Variants in DMRT3 observed in about 807,000 individuals in gnomAD.
DMRT3 encodes the protein doublesex- and mab-3-related transcription factor 3.
In DMRT3, 29 loss-of-function variants were observed where a neutral mutation model predicts 34.9. The ratio of observed to expected loss-of-function variants is 0.83; its 90% CI spans 0.62 to 1.13. The LOEUF (loss-of-function observed/expected upper bound fraction) is 1.13. Among genes scored for constraint, DMRT3 ranks in the 50% most tolerant of loss-of-function variants. The probability of loss-of-function intolerance (pLI) is 0.00; values close to 1 mark genes in which losing one functional copy is unlikely to be tolerated. For synonymous variants in DMRT3, 350 were observed against 286.0 expected, an observed-to-expected ratio of 1.22 and a Z score of -2.26; for missense variants, 772 against 629.1, an observed-to-expected ratio of 1.23 and a Z score of -2.43.
intron 1 of DMRT3, among the ~76,000 whole-genome samples, chr9:980,904 A>G (rs1232448256): frequency 6.6e-6 from 1 of 152,160 alleles, no homozygotes; most frequent in Non-Finnish European, 1.5e-5. Flanking sequence ...CGGACACCTT[A>G]GACTGTGGTG....
intron 1 of DMRT3, among the ~76,000 whole-genome samples, chr9:983,124 G>A (rs1361875911): frequency 5.3e-5 from 8 of 152,036 alleles, no homozygotes; most frequent in South Asian, 2.1e-4. Context: ...CTAGGTATGG[G>A]GTTTTTTTGC....
Position 985,039 on chromosome 9 carries a change from A to G in DMRT3, c.455-5002A>G, listed in dbSNP as rs762834447. Among the ~76,000 whole-genome samples, 73 of 152,206 alleles carry G rather than the reference A, an allele frequency of 4.8e-4. 1 individual carries two copies. The highest frequency in any genetic ancestry group is 9.6e-4 in the Non-Finnish European group (65 of 68,036). ...TGAAGTCGGTAGCATTGTTATCTGT[A>G]GAAAAACTTTTCTTTTTAATTGAAT... On this transcript the variant is annotated intron_variant, in intron 1 of 1. Transcript: ENST00000190165.
Position 990,074 on chromosome 9 carries a change from C to G in DMRT3, c.488C>G (p.Ser163Trp). 6.2e-7 allele frequency: 1 copy of G among 1,613,736 alleles called. No individual in the cohort carries two copies. Among genetic ancestry groups the G allele is most frequent in the Non-Finnish European group, 8.5e-7 (1 of 1,179,984 alleles). ...LTEERLGDGK[S>W]ADNTEVFSDK... ...GAAGAACGACTTGGAGACGGCAAGT[C>G]GGCAGACAATACAGAGGTCTTCAGT... is the stretch of plus-strand genomic sequence containing the variant. Residue 163 changes from serine to tryptophan, a missense_variant, in exon 2 of 2, where the codon TCG (serine) becomes TGG (tryptophan). Coordinates refer to ENST00000190165, the MANE Select transcript of DMRT3 (RefSeq NM_021240.4).
intron 1 of DMRT3, among the ~76,000 whole-genome samples, chr9:986,456 G>C (rs1171473314): frequency 6.6e-6 from 1 of 152,122 alleles, no homozygotes; most frequent in African/African-American, 2.4e-5. Context: ...AGACTGAAGT[G>C]TACTGTGGAA....
At position 977,271 on chromosome 9, in the gene DMRT3, G is replaced by T; in HGVS notation, c.270G>T (p.Ser90=). ...GCTTGGAGAGCCTCATCCCCGACTC[G>T]CTGCGCGCTCTGCCAGGGCCCCCGC... ...NESLESLIPD[S]LRALPGPPPP... The change falls in exon 1 of 2, where the codon TCG becomes TCT. Residue 90 remains serine (S), a synonymous_variant. Transcript: ENST00000190165. The T allele has an allele frequency of 1.3e-6, 2 of 1,521,722 alleles. No homozygotes were observed. Among genetic ancestry groups the T allele is most frequent in the African/African-American group, 1.4e-5 (1 of 70,116 alleles). 94.3% of individuals were successfully genotyped at this position (1,521,722 alleles called of 1,614,324 possible).
intron 1 of DMRT3, among the ~76,000 whole-genome samples, chr9:989,670 T>A (rs61500620): frequency 0.029 from 4,435 of 152,262 alleles, 215 homozygotes; most frequent in African/African-American, 0.1. Context: ...GAGCTGATTT[T>A]CCTGTTTCTC....
intron 1 of DMRT3, among the ~76,000 whole-genome samples, chr9:979,308 G>T (rs1388795421): frequency 1.3e-5 from 2 of 152,206 alleles, no homozygotes; most frequent in African/African-American, 2.4e-5. Context: ...CAGGATACGT[G>T]CTTTGGGAGA....
rs535576190 is a variant in DMRT3 at position 991,123 on chromosome 9, G to A, written c.*118G>A. On this transcript the variant is annotated 3_prime_UTR_variant, in exon 2 of 2. Transcript: ENST00000190165. ...TCCTTCTGTTTGACAAAGTGACTGT[G>A]CTTGATTCTATACATTAGCAATAAA... The A allele has an allele frequency of 1.0e-3, 1,343 of 1,343,354 alleles. 8 individuals are homozygous for A. The African/African-American group carries it at 0.018, about 18-fold the overall frequency. 83.2% of individuals were successfully genotyped at this position (1,343,354 alleles called of 1,614,324 possible).
intron 1 of DMRT3, 71 bp downstream of exon 1, chr9:977,526 C>A: frequency 8.4e-7 from 1 of 1,193,072 alleles, no homozygotes; most frequent in Non-Finnish European, 1.0e-6. Context: ...TGCAGCTCCA[C>A]TTGGGAGGAC....
intron 1 of DMRT3, among the ~76,000 whole-genome samples, chr9:982,314 C>T (rs556831052): frequency 2.0e-5 from 3 of 152,192 alleles, no homozygotes; most frequent in Non-Finnish European, 2.9e-5. Context: ...GCAGGAAAAA[C>T]GAGAGTGTGT....
rs779665771 is a variant in DMRT3, at chr9:990,849, C to A, written c.1263C>A (p.Ser421Arg). ...FPSNSTSVFR[S>R]SPVLPARATE... is the part of the protein sequence containing the mutation. ...GTAACTCTACCAGCGTCTTCAGAAG[C>A]TCGCCCGTCCTTCCTGCCCGCGCCA... Residue 421 changes from serine to arginine, a missense_variant, in exon 2 of 2, where the codon AGC becomes AGA. Coordinates refer to ENST00000190165, the MANE Select transcript of DMRT3 (RefSeq NM_021240.4). The A allele has an allele frequency of 1.9e-6, 3 of 1,614,168 alleles. No homozygotes were observed. In the East Asian group the frequency reaches 6.7e-5, roughly 36 times the overall value.
At chr9:990,013 A>C in intron 1 of DMRT3, 28 bp from the exon 2 acceptor site, 1 of 1,609,980 alleles carries the variant, frequency 6.2e-7, no homozygotes, top group Non-Finnish European at 8.5e-7. Context: ...CACCAGGAAA[A>C]GATTAACTCA....
In DMRT3 at chr9:990,901, G is replaced by C. The variant is rs183821686; in HGVS notation, c.1315G>C (p.Asp439His). The part of the protein sequence containing the change: ...ATEDPRISIP[D>H]DGCPFVSKQS... ...GGAAGACCCTCGGATTTCCATCCCT[G>C]ATGATGGGTGTCCATTTGTGTCAAA... The change falls in exon 2 of 2, where the codon GAT (aspartate) becomes CAT (histidine). Residue 439 changes from aspartate to histidine, a missense_variant. Asp to His is a moderately conservative substitution (Grantham distance 81). Transcript: ENST00000190165. The C allele has an allele frequency of 2.5e-6, 4 of 1,614,154 alleles. No homozygotes were observed. In the East Asian group the frequency reaches 8.9e-5, roughly 36 times the overall value.
In DMRT3 at chr9:990,293, C is replaced by A; in HGVS notation, c.707C>A (p.Ser236Ter). ...AATCACCTCCTGATTGAGGGCCCCT[C>A]GGGGACTGTTTCTCTGCCCTTCAGC... Reference protein sequence around the residue: ...EQNHLLIEGPSGTVSLPFSLK... With the variant: ...EQNHLLIEGP The change falls in exon 2 of 2, where the codon TCG (serine) becomes TAG (stop). Residue 236 changes from serine (S) to a stop codon, truncating the protein, a stop_gained. Transcript: ENST00000190165. LOFTEE classifies it high-confidence loss of function. The A allele has an allele frequency of 1.9e-6, 3 of 1,613,826 alleles. No individual in the cohort carries two copies. Among genetic ancestry groups the A allele is most frequent in the Non-Finnish European group, 2.5e-6 (3 of 1,180,016 alleles).
intron 1 of DMRT3, among the ~76,000 whole-genome samples, chr9:989,642 G>A (rs1195904021): frequency 3.3e-5 from 5 of 152,208 alleles, no homozygotes; most frequent in East Asian, 3.9e-4. Flanking sequence ...TTGCAGAAGA[G>A]GAGCCGGAAG....
In DMRT3 at chr9:990,544, T is replaced by G; in HGVS notation, c.958T>G (p.Ser320Ala). 6.2e-7 allele frequency: 1 copy of G among 1,614,006 alleles called. No individual in the cohort carries two copies. Among genetic ancestry groups the G allele is most frequent in the South Asian group, 1.1e-5 (1 of 91,074 alleles). The change falls in exon 2 of 2, where the codon TCC becomes GCC. Residue 320 changes from serine to alanine, a missense_variant. Physicochemically the swap from Ser to Ala is moderately conservative, Grantham distance 99 (BLOSUM62 1). Transcript: ENST00000190165. Reference sequence around the variant, plus strand: ...GCACATCTTTGAACACACCTTGAGCTCCTACCCCATCTCGTCTTCCAAATG... The same window carrying G: ...GCACATCTTTGAACACACCTTGAGCGCCTACCCCATCTCGTCTTCCAAATG... ...NGHIFEHTLS[S>A]YPISSSKWSV...
Position 990,249 on chromosome 9 carries a change from C to G in DMRT3, c.663C>G (p.Pro221=), listed in dbSNP as rs759330661. ...ACCCCGAGAGCCGCCCTGACAGCCC[C>G]AAGTGTCACGCGGAGCAGAATCACC... ...GGNPESRPDS[P]KCHAEQNHLL... Residue 221 remains proline, a synonymous_variant, in exon 2 of 2, where the codon CCC becomes CCG. Transcript: ENST00000190165. 1 of 1,613,988 alleles carries G rather than the reference C, an allele frequency of 6.2e-7. No homozygotes were observed. The highest frequency in any genetic ancestry group is 8.5e-7 in the Non-Finnish European group (1 of 1,180,038).
Position 990,502 on chromosome 9 carries a change from G to A in DMRT3, c.916G>A (p.Ala306Thr). ...AACTTCCGCAGAACCTGAGAGTCTA[G>A]CGTTGCCCTCCAATGGGCACATCTT... ...ERTSAEPESL[A>T]LPSNGHIFEH... Residue 306 changes from alanine to threonine, a missense_variant, in exon 2 of 2, where the codon GCG becomes ACG. Physicochemically the swap from Ala to Thr is moderately conservative, Grantham distance 58. Transcript: ENST00000190165. 6.2e-7 allele frequency: 1 copy of A among 1,614,164 alleles called. No homozygotes were observed. The highest frequency in any genetic ancestry group is 1.7e-5 in the Admixed American group (1 of 60,022).
Position 990,360 on chromosome 9 carries a change from A to AT in DMRT3, c.776dup (p.Asn261GlnfsTer8). ...CGCCGCTTGAAGTGTTAAAAAAGAT[A>AT]TTCCCCAACCAGAAGCCAACGGTGC... On this transcript the variant is annotated frameshift_variant, in exon 2 of 2. Transcript: ENST00000190165. LOFTEE classifies it high-confidence loss of function. 6.2e-7 allele frequency: 1 copy of AT among 1,613,896 alleles called. No individual in the cohort carries two copies. Among genetic ancestry groups the AT allele is most frequent in the Non-Finnish European group, 8.5e-7 (1 of 1,180,026 alleles).
Sources: allele counts gnomAD v4.1 joint callset (sites outside exome capture counted in the v4.1 genomes callset), GRCh38; gene constraint gnomAD v4.1.1; transcripts MANE v1.5; gene names NCBI Gene and HGNC (gene_info 2026-07-23, HGNC 2026-07-21).